Variants in DGKD observed in about 807,000 individuals in gnomAD.
The protein encoded by DGKD is DAG kinase delta.
DGKD carries 68 observed loss-of-function variants against 154.4 expected under a neutral mutation model. That is an observed-to-expected ratio of 0.44 (90% confidence interval 0.36 to 0.54). The LOEUF is 0.54. Ranked by LOEUF, DGKD falls within the 20% of genes least tolerant of loss-of-function variation. The pLI is 0.00. For missense variants in DGKD, 1,343 were observed against 1,593.6 expected (o/e 0.84, Z 2.68); for synonymous variants, 693 against 638.0 (o/e 1.09, Z -1.30).
intron 8 of DGKD, among the ~76,000 whole-genome samples, chr2:233,437,911 C>T (rs2062752309): frequency 6.6e-6 from 1 of 152,168 alleles, no homozygotes; most frequent in South Asian, 2.1e-4. Flanking sequence ...CATGGTGGCA[C>T]CTGTTGACAA....
At chr2:233,415,798 A>T (rs893370571) in intron 3 of DGKD, among the ~76,000 whole-genome samples, 2 of 151,820 alleles carry the variant, frequency 1.3e-5, no homozygotes, top group South Asian at 2.1e-4. Flanking sequence ...TAATTTATAA[A>T]TTTTTTTTGT....
intron 3 of DGKD, among the ~76,000 whole-genome samples, chr2:233,418,545 A>G (rs2062020676): frequency 6.6e-6 from 1 of 152,254 alleles, no homozygotes; most frequent in African/African-American, 2.4e-5. Context: ...AAATAAATAA[A>G]TTAAAACAAC....
At position 233,459,674 on chromosome 2, in the gene DGKD, G is replaced by A; in HGVS notation, c.2695-83G>A. On this transcript the variant is annotated intron_variant, in intron 22 of 29. Coordinates refer to ENST00000264057, the MANE Select transcript of DGKD (RefSeq NM_152879.3). This position sits in a 1 kb window ranked among gnomAD's most constrained non-coding sequence, Gnocchi z 5.7. ...AGGCAGGGACGGGTGTGTGGAGCAG[G>A]AAGGTCATGGTGGTGCTGATAGCAC... The A allele has an allele frequency of 6.5e-7, 1 of 1,539,488 alleles. No homozygotes were observed.
intron 3 of DGKD, chr2:233,391,940 A>C (rs1360276252): frequency 6.6e-6 from 1 of 152,206 alleles, no homozygotes; most frequent in East Asian, 1.9e-4. Flanking sequence ...CCACATAAAT[A>C]GATTTTTCTT....
In DGKD at chr2:233,390,606, T is replaced by C. The variant is rs571447448; in HGVS notation, c.348+123T>C. The C allele has an allele frequency of 5.8e-6, 4 of 694,362 alleles. No homozygotes were observed. In the African/African-American group the frequency reaches 7.3e-5, roughly 13 times the overall value. The allele number at this position is 694,362 out of a possible 1,614,324, so 43.0% of individuals were successfully genotyped here. ...TTTTCTTACTGATTGGAATGATTGC[T>C]GGTAAAATTTGAATTTAATGCTGAA... On this transcript the variant is annotated intron_variant, in intron 3 of 29. Transcript: ENST00000264057.
intron 10 of DGKD, among the ~76,000 whole-genome samples, chr2:233,444,560 G>A (rs73117551): frequency 0.082 from 12,419 of 150,598 alleles, 603 homozygotes; most frequent in African/African-American, 0.13. Flanking sequence ...TGCCTGCTGT[G>A]CGCTGCTCTC....
intron 1 of DGKD, among the ~76,000 whole-genome samples, chr2:233,361,409 T>A (rs1365354584): frequency 6.6e-6 from 1 of 152,208 alleles, no homozygotes; most frequent in Non-Finnish European, 1.5e-5. Flanking sequence ...AATGGAGGCC[T>A]CTAATGACTT....
intron 1 of DGKD, 142 bp from the exon 2 acceptor site, chr2:233,388,115 G>C: frequency 1.3e-5 from 20 of 1,512,126 alleles, no homozygotes; most frequent in Non-Finnish European, 1.7e-5. Flanking sequence ...CCTGTGCATA[G>C]GTCAAGGTCT....
intron 3 of DGKD, among the ~76,000 whole-genome samples, chr2:233,432,065 A>G (rs2062532628): frequency 6.6e-6 from 1 of 152,262 alleles, no homozygotes; most frequent in African/African-American, 2.4e-5. Flanking sequence ...AACAGTCAAC[A>G]AAGTGAGGAG....
chr2:233,355,472 G>C lies in DGKD; in HGVS notation c.156+798G>C, dbSNP rs547569257. 3.3e-3 allele frequency among the ~76,000 whole-genome samples: 498 copies of C among 152,324 alleles called. 5 individuals are homozygous for C. The highest frequency in any genetic ancestry group is 0.011 in the African/African-American group (477 of 41,572). ...GGCAGGTGGCTGGACAGGTGGCTGCGAGCAGGCTGGGTCCCTGGGGCAGCT... is the reference window on the plus strand; with the variant it reads ...GGCAGGTGGCTGGACAGGTGGCTGCCAGCAGGCTGGGTCCCTGGGGCAGCT... On this transcript the variant is annotated intron_variant, in intron 1 of 29. Transcript: ENST00000264057.
chr2:233,460,761 G>A (rs919110738), intron 24 of DGKD, among the ~76,000 whole-genome samples: 24 of 152,066 alleles, frequency 1.6e-4, no homozygotes, highest in African/African-American at 4.6e-4. Flanking sequence ...GTGTGGTGGC[G>A]GGCGCCTGTA....
chr2:233,430,207 T>G (rs1022056981), intron 3 of DGKD, among the ~76,000 whole-genome samples: 5 of 152,244 alleles, frequency 3.3e-5, no homozygotes, highest in African/African-American at 1.2e-4. Context: ...TTACTCTTTG[T>G]CAGGGCAATT....
Position 233,445,585 on chromosome 2 carries a change from AG to A in DGKD, c.1195-36del, listed in dbSNP as rs2124827161. 2 of 1,560,624 alleles carry A rather than the reference AG, an allele frequency of 1.3e-6. No individual in the cohort carries two copies. Among genetic ancestry groups the A allele is most frequent in the East Asian group, 4.6e-5 (2 of 43,144 alleles). ...GGGCTGGGAAGTGGCCCCTGCCCCC[AG>A]GTGTTTGCCTGCGCATCGTCCCCCA... On this transcript the variant is annotated intron_variant, in intron 10 of 29. Transcript: ENST00000264057. This position sits in a 1 kb window ranked among gnomAD's most constrained non-coding sequence, Gnocchi z 5.5.
chr2:233,423,942 A>G (rs1254403557), intron 3 of DGKD, among the ~76,000 whole-genome samples: 7 of 152,104 alleles, frequency 4.6e-5, no homozygotes, highest in East Asian at 3.9e-4. Flanking sequence ...TCAGGCTGCC[A>G]TCTTCTCTCT....
At chr2:233,397,775 A>C (rs991776936) in intron 3 of DGKD, among the ~76,000 whole-genome samples, 2 of 151,918 alleles carry the variant, frequency 1.3e-5, no homozygotes, top group Admixed American at 1.3e-4. Context: ...GATTGTTAGG[A>C]GAGAGTGGAG....
rs533903291 is a variant in DGKD, at chr2:233,437,265, C to G, written c.820-112C>G. The G allele has an allele frequency of 2.6e-3, 2,562 of 974,676 alleles. 19 individuals are homozygous for G. The highest frequency in any genetic ancestry group is 2.5e-3 in the Non-Finnish European group (1,551 of 631,714). 60.4% of individuals were successfully genotyped at this position (974,676 alleles called of 1,614,324 possible). On this transcript the variant is annotated intron_variant, in intron 7 of 29. Coordinates refer to ENST00000264057, the MANE Select transcript of DGKD (RefSeq NM_152879.3). ...CTGATGGTAGCAGGCCAGCCCAGCT[C>G]TGAAATCACCTGCCTCCCCCGAGGC...
At chr2:233,437,999 G>A (rs956650288) in intron 8 of DGKD, among the ~76,000 whole-genome samples, 1 of 152,178 alleles carries the variant, frequency 6.6e-6, no homozygotes, top group African/African-American at 2.4e-5. Flanking sequence ...GGTGGCATTT[G>A]GACAGCTTGT....
At chr2:233,464,891 G>A (rs2971855) in intron 27 of DGKD, among the ~76,000 whole-genome samples, 59,647 of 152,166 alleles carry the variant, frequency 0.39, 13,438 homozygotes, top group African/African-American at 0.63. Context: ...ATAGAACACA[G>A]AGGGGCCCTG....
chr2:233,417,627 T>C (rs2061991243), intron 3 of DGKD, among the ~76,000 whole-genome samples: 1 of 152,226 alleles, frequency 6.6e-6, no homozygotes, highest in Non-Finnish European at 1.5e-5. Flanking sequence ...CCCCTTTTAA[T>C]ACAAATAACA....
Sources: allele counts gnomAD v4.1 joint callset (sites outside exome capture counted in the v4.1 genomes callset), GRCh38; gene constraint gnomAD v4.1.1; non-coding constraint Gnocchi (gnomAD v3.1); transcripts MANE v1.5; gene names NCBI Gene and HGNC (gene_info 2026-07-23, HGNC 2026-07-21).